ZNF507: variants seen among roughly 807,000 people sequenced by gnomAD.
The protein encoded by ZNF507 is zinc finger protein 507.
A neutral mutation model predicts 80.0 loss-of-function variants in ZNF507; 29 were observed. The ratio of observed to expected loss-of-function variants is 0.36; its 90% CI spans 0.27 to 0.49. ZNF507 has a LOEUF of 0.49. ZNF507 is among the 20% of genes least tolerant of loss of function. ZNF507 has a pLI of 0.98. For missense variants in ZNF507, 1,081 were observed against 1,152.2 expected, an observed-to-expected ratio of 0.94 and a Z score of 0.90; for synonymous variants, 462 against 422.5, an observed-to-expected ratio of 1.09 and a Z score of -1.15.
Position 32,371,255 on chromosome 19 carries a change from A to G in ZNF507, c.2360+10637A>G, listed in dbSNP as rs1342331798. Among the ~76,000 whole-genome samples the G allele has an allele frequency of 2.0e-5, 3 of 152,142 alleles. No individual in the cohort carries two copies. The East Asian group carries it at 5.8e-4, about 30-fold the overall frequency. ...TTTGGGAGGCTGAGGCGGGTGGATC[A>G]CCTGAGGCCGATAGTTCGAGACCAG... On this transcript the variant is annotated intron_variant, in intron 5 of 6. Transcript: ENST00000355898.
At chr19:32,381,451 T>A (rs1207645454) in intron 5 of ZNF507, among the ~76,000 whole-genome samples, 1 of 151,822 alleles carries the variant, frequency 6.6e-6, no homozygotes, top group Non-Finnish European at 1.5e-5. Flanking sequence ...AATATGAAAA[T>A]TAGGCAGGCG....
chr19:32,384,023 A>G lies in ZNF507; in HGVS notation c.*940A>G, dbSNP rs745750687. On this transcript the variant is annotated 3_prime_UTR_variant, in exon 7 of 7. Coordinates refer to ENST00000355898, the MANE Select transcript of ZNF507 (RefSeq NM_001136156.2). The stretch of plus-strand genomic sequence containing the variant: ...TTGGAAATAGTTTGAACTATTTCCA[A>G]AAATCCCTTAGGGGATGAGGGGTGA... The G allele has an allele frequency of 4.2e-4, 64 of 152,378 alleles. No individual in the cohort carries two copies. Among genetic ancestry groups the G allele is most frequent in the Admixed American group, 9.8e-4 (15 of 15,302 alleles). The allele number at this position is 152,378 out of a possible 1,614,324, so 9.4% of individuals were successfully genotyped here.
chr19:32,380,731 C>A, intron 5 of ZNF507: 1 of 1,000,410 alleles, frequency 1.0e-6, no homozygotes, highest in Non-Finnish European at 1.5e-6. Flanking sequence ...CAATACGACC[C>A]AGCAATTATG....
rs748016334 is a variant in ZNF507 at position 32,386,552 on chromosome 19, G to C, written c.*3469G>C. On this transcript the variant is annotated 3_prime_UTR_variant, in exon 7 of 7. Coordinates refer to ENST00000355898, the MANE Select transcript of ZNF507 (RefSeq NM_001136156.2). ...TATAGCCAAAGTATAAAAATTTCTG[G>C]AATACTGACATGTAAAGACTACAGT... The C allele has an allele frequency of 2.0e-4, 31 of 152,520 alleles. No individual in the cohort carries two copies. The highest frequency in any genetic ancestry group is 4.3e-4 in the Non-Finnish European group (29 of 68,020). 9.4% of individuals were successfully genotyped at this position (152,520 alleles called of 1,614,324 possible).
intron 5 of ZNF507, among the ~76,000 whole-genome samples, chr19:32,363,041 C>T (rs1020294394): frequency 2.6e-5 from 4 of 152,184 alleles, no homozygotes; most frequent in Non-Finnish European, 5.9e-5. Flanking sequence ...AGGACTTTCT[C>T]CTCGTTGTCC....
At chr19:32,381,892 T>C (rs1408815213) in intron 5 of ZNF507, 1 of 152,228 alleles carries the variant, frequency 6.6e-6, no homozygotes, top group African/African-American at 2.4e-5. Flanking sequence ...ATTGTTAAAT[T>C]CAGATTTTAC....
intron 5 of ZNF507, among the ~76,000 whole-genome samples, chr19:32,373,126 A>G (rs961372577): frequency 2.0e-5 from 3 of 152,208 alleles, no homozygotes; most frequent in Non-Finnish European, 4.4e-5. Context: ...CGTATTCACA[A>G]GGCCTCTGCC....
intron 5 of ZNF507, among the ~76,000 whole-genome samples, chr19:32,380,035 A>G (rs764415727): frequency 1.3e-5 from 2 of 151,910 alleles, no homozygotes; most frequent in African/African-American, 2.4e-5. Context: ...GTACATTTCC[A>G]TTTTTCCACA....
chr19:32,383,064 C>T lies in ZNF507; in HGVS notation c.2843C>T (p.Thr948Ile), dbSNP rs1473251909. The T allele has an allele frequency of 3.0e-5, 48 of 1,612,000 alleles. No individual in the cohort carries two copies. Among genetic ancestry groups the T allele is most frequent in the Non-Finnish European group, 3.8e-5 (45 of 1,178,314 alleles). ...VNIILNKDHN[T>I]ALNTN ...ATCATCCTGAATAAGGACCACAATACAGCTCTAAACACAAATTAGGTGGAA... is the reference window on the plus strand; with the variant it reads ...ATCATCCTGAATAAGGACCACAATATAGCTCTAAACACAAATTAGGTGGAA... Residue 948 changes from threonine (T) to isoleucine (I), a missense_variant, in exon 7 of 7, where the codon ACA becomes ATA. This residue lies in a region of ZNF507 where 138 missense variants were observed against 158.4 expected (regional missense o/e 0.87). Coordinates refer to ENST00000355898, the MANE Select transcript of ZNF507 (RefSeq NM_001136156.2).
intron 5 of ZNF507, among the ~76,000 whole-genome samples, chr19:32,374,257 TATAA>T (rs1295115246): frequency 1.3e-5 from 2 of 152,154 alleles, no homozygotes; most frequent in Non-Finnish European, 2.9e-5. Context: ...CCATTGCTGT[TATAA>T]ATAGTTTTTT....
intron 5 of ZNF507, among the ~76,000 whole-genome samples, chr19:32,362,039 C>A (rs531112154): frequency 6.6e-6 from 1 of 152,098 alleles, no homozygotes; most frequent in Non-Finnish European, 1.5e-5. Flanking sequence ...ATGCCTCAGC[C>A]TCCCAAGTAG....
intron 4 of ZNF507, 37 bp downstream of exon 4, chr19:32,356,770 T>C (rs1967258158): frequency 6.6e-7 from 1 of 1,519,790 alleles, no homozygotes. Context: ...TGCAGTGACT[T>C]GCACATGACA....
intron 3 of ZNF507, among the ~76,000 whole-genome samples, chr19:32,356,330 G>A (rs1477840399): frequency 6.6e-6 from 1 of 152,196 alleles, no homozygotes; most frequent in Non-Finnish European, 1.5e-5. Context: ...GGGCCTACCA[G>A]TGTTTCAGTA....
rs1599547072 is a variant in ZNF507 at position 32,354,406 on chromosome 19, C to G, written c.1576C>G (p.Pro526Ala). 2 of 1,614,004 alleles carry G rather than the reference C, an allele frequency of 1.2e-6. No individual in the cohort carries two copies. The highest frequency in any genetic ancestry group is 1.7e-6 in the Non-Finnish European group (2 of 1,180,020). ...GHYGDINLLD[P>A]DTSQRQVDST... ...CTATGGAGATATAAACCTTTTAGAT[C>G]CAGATACTAGTCAAAGGCAAGTAGA... Residue 526 changes from proline to alanine, a missense_variant, in exon 3 of 7, where the codon CCA becomes GCA. Physicochemically the swap from Pro to Ala is conservative, Grantham distance 27. This residue lies in a region of ZNF507 where 614 missense variants were observed against 583.9 expected (regional missense o/e 1.05). Transcript: ENST00000355898.
intron 3 of ZNF507, 126 bp downstream of exon 3, chr19:32,355,083 A>T: frequency 1.1e-6 from 1 of 951,498 alleles, no homozygotes; most frequent in Non-Finnish European, 1.5e-6. Flanking sequence ...AAAGTTTGAT[A>T]AGTTGCCCAA....
intron 2 of ZNF507, among the ~76,000 whole-genome samples, chr19:32,349,630 ATTTG>A (rs1379911898): frequency 1.3e-5 from 2 of 152,192 alleles, no homozygotes; most frequent in Non-Finnish European, 2.9e-5. Context: ...GCACATAACA[ATTTG>A]TTTGTTACAC....
chr19:32,375,388 A>C (rs1463426302), intron 5 of ZNF507, among the ~76,000 whole-genome samples: 1 of 152,234 alleles, frequency 6.6e-6, no homozygotes, highest in Non-Finnish European at 1.5e-5. Flanking sequence ...CCAGTTCACA[A>C]GAAACATGAA....
At chr19:32,349,831 CCTAGGTACTCATCATG>C in intron 2 of ZNF507, among the ~76,000 whole-genome samples, 1 of 152,030 alleles carries the variant, frequency 6.6e-6, no homozygotes, top group East Asian at 1.9e-4. Flanking sequence ...ACAGTGAATT[CCTAGGTACTCATCATG>C]CAACTTCAAT....
At chr19:32,346,387 C>T (rs1328561854) in intron 1 of ZNF507, among the ~76,000 whole-genome samples, 1 of 152,254 alleles carries the variant, frequency 6.6e-6, no homozygotes, top group East Asian at 1.9e-4. Flanking sequence ...AATAAGGTGG[C>T]GGCCACTTTC....
Sources: allele counts gnomAD v4.1 joint callset (sites outside exome capture counted in the v4.1 genomes callset), GRCh38; gene constraint gnomAD v4.1.1; regional missense constraint gnomAD v4.1.1; transcripts MANE v1.5; gene names NCBI Gene and HGNC (gene_info 2026-07-23, HGNC 2026-07-21).